The following TRAFD1 variants were observed in gnomAD, a reference collection of about 807,000 sequenced individuals.
The protein encoded by TRAFD1 is TRAF-type zinc finger domain-containing protein 1.
Under a neutral mutation model 65.3 loss-of-function variants are expected in TRAFD1, and 38 were observed. The observed-to-expected ratio is 0.58, with a 90% CI of 0.45 to 0.76. The LOEUF is 0.76. Among genes scored for constraint, TRAFD1 ranks in the 30% least tolerant of loss-of-function variants. TRAFD1 has a pLI of 0.00. For missense variants in TRAFD1, 631 were observed against 712.6 expected (o/e 0.89, Z 1.30); for synonymous variants, 223 against 257.2 (o/e 0.87, Z 1.27).
rs79680080 is a variant in TRAFD1 at position 112,145,643 on chromosome 12, A to C, written c.908A>C (p.Glu303Ala). 34,660 of 1,614,024 alleles carry C rather than the reference A, an allele frequency of 0.021. 441 individuals are homozygous for C. Among genetic ancestry groups the C allele is most frequent in the Non-Finnish European group, 0.025 (29,819 of 1,179,940 alleles). Residue 303 changes from glutamate (E) to alanine (A), a missense_variant, in exon 7 of 12, where the codon GAA (glutamate) becomes GCA (alanine). Coordinates refer to ENST00000412615, the MANE Select transcript of TRAFD1 (RefSeq NM_006700.3). ...TTTTGTGAGGAGCTCTACCCAGAGGAACTGCTGATTGACCATCAGGTGTGT... is the reference window on the plus strand; with the variant it reads ...TTTTGTGAGGAGCTCTACCCAGAGGCACTGCTGATTGACCATCAGGTGTGT... ...CEFCEELYPE[E>A]LLIDHQTSCN... is the part of the protein sequence containing the mutation.
chr12:112,145,589 C>A lies in TRAFD1; in HGVS notation c.854C>A (p.Ala285Glu). The stretch of plus-strand genomic sequence containing the variant: ...CATTGTGTGGCCTAATACCTAGGTG[C>A]AGCTGACGAGATCATGTTGCCTTGT... ...GPRSLSDIKG[A>E]ADEIMLPCEF... Residue 285 changes from alanine (A) to glutamate (E), a missense_variant, in exon 7 of 12, where the codon GCA becomes GAA. Coordinates refer to ENST00000412615, the MANE Select transcript of TRAFD1 (RefSeq NM_006700.3). The A allele has an allele frequency of 6.2e-7, 1 of 1,614,072 alleles. No homozygotes were observed. Among genetic ancestry groups the A allele is most frequent in the Non-Finnish European group, 8.5e-7 (1 of 1,179,996 alleles).
chr12:112,149,922 G>A lies in TRAFD1; in HGVS notation c.1279+51G>A, dbSNP rs139453904. 1,882 of 1,606,884 alleles carry A rather than the reference G, an allele frequency of 1.2e-3. 26 individuals are homozygous for A. In the African/African-American group the frequency reaches 0.022, roughly 18 times the overall value. On this transcript the variant is annotated intron_variant, in intron 9 of 11. Coordinates refer to ENST00000412615, the MANE Select transcript of TRAFD1 (RefSeq NM_006700.3). Reference sequence around the variant, plus strand: ...AGGCCGCAGGTCTACTGCTGGCTCCGGCCTGTTTACCACTTCCCATCCACT... The same window carrying A: ...AGGCCGCAGGTCTACTGCTGGCTCCAGCCTGTTTACCACTTCCCATCCACT...
intron 7 of TRAFD1, 105 bp downstream of exon 7, chr12:112,145,767 C>G (rs1475209521): frequency 7.2e-6 from 7 of 966,076 alleles, no homozygotes; most frequent in Middle Eastern, 2.2e-4. Flanking sequence ...ATACAATGCC[C>G]ATAGTAGGAA....
intron 1 of TRAFD1, among the ~76,000 whole-genome samples, chr12:112,128,636 C>A (rs936748432): frequency 6.6e-6 from 1 of 152,092 alleles, no homozygotes; most frequent in African/African-American, 2.4e-5. Context: ...ATATAAGGCA[C>A]TGAGATGAGC....
chr12:112,146,628 A>G (rs1231324228), intron 7 of TRAFD1, among the ~76,000 whole-genome samples: 1 of 152,222 alleles, frequency 6.6e-6, no homozygotes, highest in African/African-American at 2.4e-5. Flanking sequence ...TCCTTAACAC[A>G]TCCAACAACA....
intron 7 of TRAFD1, among the ~76,000 whole-genome samples, chr12:112,146,490 C>T (rs976383735): frequency 6.6e-6 from 1 of 152,200 alleles, no homozygotes; most frequent in African/African-American, 2.4e-5. Flanking sequence ...GTGATCTGGT[C>T]TCATCTCATG....
chr12:112,143,157 G>A (rs1304090564), intron 6 of TRAFD1, among the ~76,000 whole-genome samples: 1 of 151,948 alleles, frequency 6.6e-6, no homozygotes, highest in Non-Finnish European at 1.5e-5. Context: ...TCGGCTCACT[G>A]CAACCTCCGC....
chr12:112,129,029 TAAAA>T (rs543476356), intron 1 of TRAFD1, among the ~76,000 whole-genome samples: 1 of 91,540 alleles, frequency 1.1e-5, no homozygotes, highest in African/African-American at 4.1e-5. Context: ...AGACTCTGTT[TAAAA>T]AAAAAAAAAA....
intron 8 of TRAFD1, 151 bp from the exon 9 acceptor site, chr12:112,149,600 C>A: frequency 2.1e-6 from 2 of 974,790 alleles, no homozygotes; most frequent in Non-Finnish European, 3.0e-6. Context: ...TGCAACCATT[C>A]CAGATGTGTG....
chr12:112,146,104 G>A (rs1426608303), intron 7 of TRAFD1, among the ~76,000 whole-genome samples: 1 of 148,850 alleles, frequency 6.7e-6, no homozygotes, highest in Non-Finnish European at 1.5e-5. Context: ...CACCAGCATG[G>A]CACATGTATA....
chr12:112,130,129 A>AT lies in TRAFD1; in HGVS notation c.-12-370dup, dbSNP rs1158618041. 0.022 allele frequency among the ~76,000 whole-genome samples: 3,150 copies of AT among 141,850 alleles called. 104 individuals carry two copies. Among genetic ancestry groups the AT allele is most frequent in the African/African-American group, 0.077 (2,960 of 38,588 alleles). 93.1% of individuals were successfully genotyped at this position (141,850 alleles called of 152,430 possible). ...AGGCACACATCACCATGCCTGGGTA[A>AT]TTTTTTTTTTTTGTATTTTTTGTAG... On this transcript the variant is annotated intron_variant, in intron 1 of 11. Coordinates refer to ENST00000412615, the MANE Select transcript of TRAFD1 (RefSeq NM_006700.3). The surrounding 1 kb of genome is among the most constrained non-coding windows in gnomAD (Gnocchi z 4.4).
intron 7 of TRAFD1, among the ~76,000 whole-genome samples, chr12:112,147,615 T>C (rs1159177971): frequency 6.6e-6 from 1 of 151,936 alleles, no homozygotes; most frequent in African/African-American, 2.4e-5. Context: ...GTAAAATGAG[T>C]GTTCTATGTG....
intron 7 of TRAFD1, among the ~76,000 whole-genome samples, chr12:112,147,827 C>T (rs1218177720): frequency 2.6e-5 from 4 of 152,068 alleles, no homozygotes; most frequent in African/African-American, 4.8e-5. Context: ...AGTGCCACCA[C>T]GCCCGGCTAA....
At chr12:112,134,681 A>G (rs2079586674) in intron 2 of TRAFD1, 57 bp from the exon 3 acceptor site, 19 of 1,578,724 alleles carry the variant, frequency 1.2e-5, no homozygotes, top group Non-Finnish European at 1.5e-5. Flanking sequence ...CCACTGTGCA[A>G]GAAAAGGCAT....
rs189920531 is a variant in TRAFD1, at chr12:112,139,748, C to T, written c.238-1071C>T. 4.7e-4 allele frequency among the ~76,000 whole-genome samples: 72 copies of T among 152,272 alleles called. 2 individuals are homozygous for T. Among genetic ancestry groups the T allele is most frequent in the Admixed American group, 4.6e-3 (71 of 15,300 alleles). On this transcript the variant is annotated intron_variant, in intron 4 of 11. Coordinates refer to ENST00000412615, the MANE Select transcript of TRAFD1 (RefSeq NM_006700.3). The stretch of plus-strand genomic sequence containing the variant: ...CAAAGTTCTTTTATTAGATAAATAA[C>T]ACGGATTTGCTAGGAGTAGTGGCTC...
chr12:112,129,640 TTTTA>T (rs555915749), intron 1 of TRAFD1, among the ~76,000 whole-genome samples: 1 of 152,202 alleles, frequency 6.6e-6, no homozygotes, highest in East Asian at 1.9e-4. Flanking sequence ...GTTATTTTAT[TTTTA>T]TTTATTTATT....
At position 112,148,086 on chromosome 12, in the gene TRAFD1, C is replaced by G. The variant is rs745323885; in HGVS notation, c.940C>G (p.Pro314Ala). 1 of 1,613,924 alleles carries G rather than the reference C, an allele frequency of 6.2e-7. No homozygotes were observed. Among genetic ancestry groups the G allele is most frequent in the African/African-American group, 1.3e-5 (1 of 74,920 alleles). The change falls in exon 8 of 12, where the codon CCT becomes GCT. Residue 314 changes from proline (P) to alanine (A), a missense_variant. Coordinates refer to ENST00000412615, the MANE Select transcript of TRAFD1 (RefSeq NM_006700.3). ...LLIDHQTSCN[P>A]SRALPSLNTG... ...TTTTGAATGACAGACAAGCTGTAAC[C>G]CTTCACGTGCCTTACCTTCACTCAA... is the stretch of plus-strand genomic sequence containing the variant.
chr12:112,144,155 G>A (rs536654886), intron 6 of TRAFD1, among the ~76,000 whole-genome samples: 4 of 152,096 alleles, frequency 2.6e-5, no homozygotes, highest in Non-Finnish European at 4.4e-5. Flanking sequence ...GGCTTGCTAC[G>A]TGTGTGTGTG....
At chr12:112,133,707 CTT>C (rs1294001209) in intron 2 of TRAFD1, among the ~76,000 whole-genome samples, 21 of 135,532 alleles carry the variant, frequency 1.5e-4, no homozygotes, top group East Asian at 2.1e-4. Flanking sequence ...GGATTTAGTT[CTT>C]TTTTTTTTTT....
Sources: allele counts gnomAD v4.1 joint callset (sites outside exome capture counted in the v4.1 genomes callset), GRCh38; gene constraint gnomAD v4.1.1; non-coding constraint Gnocchi (gnomAD v3.1); transcripts MANE v1.5; gene names NCBI Gene and HGNC (gene_info 2026-07-23, HGNC 2026-07-21).